ITGB5: variants seen among roughly 807,000 people sequenced by gnomAD.
ITGB5 encodes the protein integrin beta-5.
ITGB5 carries 38 observed loss-of-function variants against 84.8 expected under a neutral mutation model. That is an observed-to-expected ratio of 0.45 (90% CI 0.35 to 0.59). The LOEUF (loss-of-function observed/expected upper bound fraction) is 0.59, where lower values mean the gene tolerates loss of function less well. Ranked by LOEUF, ITGB5 falls within the 20% of genes least tolerant of loss-of-function variation. The pLI, the probability that ITGB5 is intolerant of heterozygous loss-of-function variation, is 0.01. For synonymous variants in ITGB5, 393 were observed against 414.4 expected (o/e 0.95, Z 0.63); for missense variants, 905 against 1,034.5 (o/e 0.87, Z 1.72).
chr3:124,895,156 G>A (rs2107661271), intron 1 of ITGB5, among the ~76,000 whole-genome samples: 1 of 152,300 alleles, frequency 6.6e-6, no homozygotes, highest in East Asian at 1.9e-4. Context: ...GAAGATGGAA[G>A]AACCAGTACA....
upstream of ITGB5, among the ~76,000 whole-genome samples, chr3:124,892,036 G>C (rs561844152): frequency 3.3e-5 from 5 of 152,290 alleles, no homozygotes; most frequent in African/African-American, 1.2e-4. Flanking sequence ...AACATGCTAA[G>C]TGAAATAGGC....
Position 124,763,650 on chromosome 3 carries a change from GTTGAACT to G in ITGB5, c.2366_2372del (p.Lys789ThrfsTer41). The G allele has an allele frequency of 8.0e-7, 1 of 1,248,220 alleles. No individual in the cohort carries two copies. The allele number at this position is 1,248,220 out of a possible 1,614,324, so 77.3% of individuals were successfully genotyped here. ...AGTCCACAGTGCCATTGTAGGATTT[GTTGAACT>G]TGTTGAAGGTGAAGTCCACAGTGTG... On this transcript the variant is annotated frameshift_variant, in exon 15 of 15. Transcript: ENST00000296181. LOFTEE classifies it high-confidence loss of function.
At chr3:124,840,219 G>C (rs1369399795) in intron 5 of ITGB5, among the ~76,000 whole-genome samples, 1 of 152,194 alleles carries the variant, frequency 6.6e-6, no homozygotes, top group Non-Finnish European at 1.5e-5. Flanking sequence ...GCCATATGCA[G>C]GCTCTCTAGA....
Position 124,862,767 on chromosome 3 carries a change from A to C in ITGB5, c.157-3321T>G, listed in dbSNP as rs796277961. 3 of 152,268 alleles carry C rather than the reference A, an allele frequency of 2.0e-5. No individual in the cohort carries two copies. In the East Asian group the frequency reaches 5.8e-4, roughly 29 times the overall value. The allele number at this position is 152,268 out of a possible 1,614,324, so 9.4% of individuals were successfully genotyped here. ...TTTTCCCATGTTTCTCCTTAAAAAC[A>C]TTCTTCAGCTGAGGTTGTGATAAAC... On this transcript the variant is annotated intron_variant, in intron 2 of 14. Coordinates refer to ENST00000296181, the MANE Select transcript of ITGB5 (RefSeq NM_002213.5).
intron 8 of ITGB5, among the ~76,000 whole-genome samples, chr3:124,812,877 C>A (rs16836052): frequency 0.067 from 10,140 of 152,248 alleles, 847 homozygotes; most frequent in African/African-American, 0.19. Flanking sequence ...TATGTTCCAA[C>A]CCAAATCTGC....
At chr3:124,851,405 AAG>A (rs1197135024) in intron 3 of ITGB5, among the ~76,000 whole-genome samples, 2 of 152,230 alleles carry the variant, frequency 1.3e-5, no homozygotes, top group African/African-American at 4.8e-5. Flanking sequence ...TGAGGATAAA[AAG>A]AGAGACAGAA....
At chr3:124,790,541 A>T (rs71323898) in intron 10 of ITGB5, among the ~76,000 whole-genome samples, 2 of 151,038 alleles carry the variant, frequency 1.3e-5, no homozygotes, top group African/African-American at 2.5e-5. Context: ...GACATGGTTA[A>T]CAGAACTGCC....
intron 8 of ITGB5, among the ~76,000 whole-genome samples, chr3:124,812,565 G>A (rs1032946819): frequency 1.3e-5 from 2 of 152,056 alleles, no homozygotes; most frequent in Non-Finnish European, 2.9e-5. Flanking sequence ...TGCAACATGA[G>A]GCCAGCCCCC....
chr3:124,854,146 C>T (rs1386582117), intron 3 of ITGB5, among the ~76,000 whole-genome samples: 4 of 152,104 alleles, frequency 2.6e-5, no homozygotes, highest in Admixed American at 2.6e-4. Context: ...ACACAAAATC[C>T]TGCTTGAAGC....
At chr3:124,772,499 G>GA (rs1187001473) in intron 11 of ITGB5, among the ~76,000 whole-genome samples, 4 of 152,214 alleles carry the variant, frequency 2.6e-5, no homozygotes, top group South Asian at 2.1e-4. Context: ...TCTGCCAAGA[G>GA]AAAATCACAG....
intron 6 of ITGB5, among the ~76,000 whole-genome samples, chr3:124,820,486 T>G (rs1463359600): frequency 1.3e-5 from 2 of 152,186 alleles, no homozygotes; most frequent in African/African-American, 2.4e-5. Context: ...CCGCATCTGG[T>G]GAGGTCCTAC....
At chr3:124,781,667 A>T (rs1241736064) in intron 10 of ITGB5, among the ~76,000 whole-genome samples, 1 of 152,192 alleles carries the variant, frequency 6.6e-6, no homozygotes, top group Non-Finnish European at 1.5e-5. Flanking sequence ...GCTTGTAAAC[A>T]GCATTACCAT....
intron 1 of ITGB5, 144 bp from the exon 2 acceptor site, chr3:124,873,675 T>C: frequency 1.4e-6 from 1 of 720,056 alleles, no homozygotes; most frequent in Non-Finnish European, 2.5e-6. Context: ...TAATTGCAGG[T>C]TAAGGCTCAT....
At chr3:124,787,115 G>C (rs766462384) in intron 10 of ITGB5, among the ~76,000 whole-genome samples, 1 of 151,862 alleles carries the variant, frequency 6.6e-6, no homozygotes, top group African/African-American at 2.4e-5. Flanking sequence ...GCCAAACCTC[G>C]TGACCTTAAG....
chr3:124,866,587 A>G (rs2065393552), intron 2 of ITGB5, among the ~76,000 whole-genome samples: 2 of 152,256 alleles, frequency 1.3e-5, no homozygotes, highest in East Asian at 1.9e-4. Flanking sequence ...AGCATGCCCA[A>G]TCCCTGGGAT....
At chr3:124,820,386 G>A (rs2064682409) in intron 6 of ITGB5, among the ~76,000 whole-genome samples, 1 of 152,208 alleles carries the variant, frequency 6.6e-6, no homozygotes, top group South Asian at 2.1e-4. Flanking sequence ...CCATGGGGCA[G>A]GGGTGCAGAA....
intron 10 of ITGB5, among the ~76,000 whole-genome samples, chr3:124,782,092 G>A (rs2064013670): frequency 6.6e-6 from 1 of 152,090 alleles, no homozygotes; most frequent in Non-Finnish European, 1.5e-5. Flanking sequence ...CTTAATAATA[G>A]TAAAACTTTA....
chr3:124,795,939 A>C (rs564911024), intron 10 of ITGB5, among the ~76,000 whole-genome samples: 36 of 152,196 alleles, frequency 2.4e-4, no homozygotes, highest in Non-Finnish European at 1.5e-5. Context: ...TAATGGATTA[A>C]ATGTGTATTA....
At chr3:124,815,941 A>G (rs72972575) in intron 8 of ITGB5, among the ~76,000 whole-genome samples, 3,629 of 152,316 alleles carry the variant, frequency 0.024, 143 homozygotes, top group African/African-American at 0.078. Flanking sequence ...TGAAGTGCCT[A>G]TGGGATCTGG....
Sources: gnomAD v4.1 joint callset for allele counts (sites outside exome capture counted in the v4.1 genomes callset) on GRCh38, gnomAD v4.1.1 for gene constraint, MANE v1.5 for transcripts, NCBI Gene and HGNC (gene_info 2026-07-23, HGNC 2026-07-21) for gene names.